CFH: variants seen among roughly 807,000 people sequenced by gnomAD.
The protein encoded by CFH is H factor 1 (complement).
CFH carries 53 observed loss-of-function variants against 147.3 expected under a neutral mutation model. The observed-to-expected ratio is 0.36, with a 90% CI of 0.29 to 0.45. The LOEUF (loss-of-function observed/expected upper bound fraction) is 0.45, where lower values mean the gene tolerates loss of function less well. Among genes scored for constraint, CFH ranks in the 20% least tolerant of loss-of-function variants. CFH has a pLI of 1.00. For synonymous variants in CFH, 536 were observed against 489.4 expected, an observed-to-expected ratio of 1.10 and a Z score of -1.26; for missense variants, 1,380 against 1,498.0, an observed-to-expected ratio of 0.92 and a Z score of 1.30.
At chr1:196,664,660 A>G (rs1159849639) in intron 1 of CFH, among the ~76,000 whole-genome samples, 3 of 152,204 alleles carry the variant, frequency 2.0e-5, no homozygotes, top group African/African-American at 7.2e-5. Flanking sequence ...AACAGAAAAT[A>G]TATACTGACT....
chr1:196,718,591 G>A (rs1668926501), intron 11 of CFH, among the ~76,000 whole-genome samples: 2 of 152,036 alleles, frequency 1.3e-5, no homozygotes, highest in Admixed American at 1.3e-4. Context: ...CTTAATTTAA[G>A]AGACTCATAA....
At chr1:196,710,644 T>G (rs1448023270) in intron 9 of CFH, among the ~76,000 whole-genome samples, 1 of 152,186 alleles carries the variant, frequency 6.6e-6, no homozygotes, top group Admixed American at 6.6e-5. Flanking sequence ...CAAAACATTG[T>G]GCTTGGTTAT....
chr1:196,729,976 C>G (rs1488793371), intron 15 of CFH, among the ~76,000 whole-genome samples: 1 of 151,726 alleles, frequency 6.6e-6, no homozygotes, highest in Non-Finnish European at 1.5e-5. Context: ...AGCCGTATCT[C>G]TCTTTTTTAG....
chr1:196,696,036 T>G (rs1338412031), intron 9 of CFH, among the ~76,000 whole-genome samples: 6 of 152,078 alleles, frequency 3.9e-5, no homozygotes, highest in Non-Finnish European at 8.8e-5. Flanking sequence ...CTCCCAATAC[T>G]ATGTCCATCC....
intron 9 of CFH, among the ~76,000 whole-genome samples, chr1:196,699,088 G>A (rs552994425): frequency 1.3e-5 from 2 of 152,206 alleles, no homozygotes; most frequent in South Asian, 4.1e-4. Context: ...AAAACCCATA[G>A]CAAATATCAT....
At chr1:196,669,454 C>T (rs1240722082) in intron 1 of CFH, among the ~76,000 whole-genome samples, 2 of 152,164 alleles carry the variant, frequency 1.3e-5, no homozygotes, top group African/African-American at 4.8e-5. Context: ...GTTTTGCAGG[C>T]CTGGGCCCCA....
intron 1 of CFH, among the ~76,000 whole-genome samples, chr1:196,661,756 A>T (rs1386062723): frequency 6.6e-6 from 1 of 152,200 alleles, no homozygotes; most frequent in Non-Finnish European, 1.5e-5. Flanking sequence ...ACTAAAGTCT[A>T]ATAATAATTT....
intron 9 of CFH, among the ~76,000 whole-genome samples, chr1:196,693,010 T>C (rs1166027442): frequency 6.6e-6 from 1 of 151,456 alleles, no homozygotes; most frequent in African/African-American, 2.4e-5. Flanking sequence ...TGCTAGACCC[T>C]GTACTTTAGT....
rs1669103115 is a variant in CFH, at chr1:196,725,042, CTT to C, written c.1697-77_1697-76del. On this transcript the variant is annotated intron_variant, in intron 11 of 21. Transcript: ENST00000367429. The stretch of plus-strand genomic sequence containing the variant: ...TCTGTATGACCCAATATCAACCTCA[CTT>C]TATTGTGGCATATGTAAAATTAACT... 6.3e-6 allele frequency: 8 copies of C among 1,260,554 alleles called. No homozygotes were observed. In the South Asian group the frequency reaches 1.0e-4, roughly 16 times the overall value. The allele number at this position is 1,260,554 out of a possible 1,614,324, so 78.1% of individuals were successfully genotyped here.
intron 1 of CFH, among the ~76,000 whole-genome samples, chr1:196,653,558 T>C (rs774307008): frequency 5.3e-5 from 8 of 151,994 alleles, no homozygotes; most frequent in Admixed American, 2.0e-4. Context: ...ATAAGGGAGA[T>C]TTGTTTTATT....
intron 15 of CFH, among the ~76,000 whole-genome samples, chr1:196,735,456 T>C (rs898360472): frequency 1.3e-5 from 2 of 152,272 alleles, no homozygotes; most frequent in South Asian, 2.1e-4. Flanking sequence ...TTATTTGCCA[T>C]GTCACAAAAT....
chr1:196,710,122 C>T (rs995769960), intron 9 of CFH, among the ~76,000 whole-genome samples: 1 of 152,044 alleles, frequency 6.6e-6, no homozygotes, highest in African/African-American at 2.4e-5. Context: ...AATGCAGGTT[C>T]CACATCCTGG....
intron 9 of CFH, among the ~76,000 whole-genome samples, chr1:196,705,912 T>A (rs1208477068): frequency 6.6e-6 from 1 of 152,186 alleles, no homozygotes; most frequent in East Asian, 1.9e-4. Context: ...CTGCTTTAAA[T>A]CCTGCTAAAT....
At chr1:196,685,353 C>A in intron 7 of CFH, 116 bp downstream of exon 7, 1 of 1,069,410 alleles carries the variant, frequency 9.4e-7, no homozygotes, top group Non-Finnish European at 1.4e-6. Flanking sequence ...CAAAGTAAGG[C>A]TGTTGGAAGC....
chr1:196,715,788 G>A lies in CFH; in HGVS notation c.1696+19G>A. The A allele has an allele frequency of 6.4e-7, 1 of 1,571,240 alleles. No homozygotes were observed. Among genetic ancestry groups the A allele is most frequent in the Non-Finnish European group, 8.7e-7 (1 of 1,155,510 alleles). ...TGTTATGGTAAGTACTGGTTTTTCA[G>A]AAATTCATTTTCAAAATGAAAATAA... On this transcript the variant is annotated intron_variant, in intron 11 of 21. Coordinates refer to ENST00000367429, the MANE Select transcript of CFH (RefSeq NM_000186.4).
Position 196,685,206 on chromosome 1 carries a change from T to C in CFH, c.933T>C (p.Ser311=), listed in dbSNP as rs1667785920. 7 of 1,612,980 alleles carry C rather than the reference T, an allele frequency of 4.3e-6. No individual in the cohort carries two copies. The highest frequency in any genetic ancestry group is 5.9e-6 in the Non-Finnish European group (7 of 1,179,280). The change falls in exon 7 of 22, where the codon AGT becomes AGC. Residue 311 remains serine, a synonymous_variant. Coordinates refer to ENST00000367429, the MANE Select transcript of CFH (RefSeq NM_000186.4). The part of the protein sequence containing the change: ...ATRGNTAKCT[S]TGWIPAPRCT... ...GGGGAAATACAGCAAAATGCACAAG[T>C]ACTGGCTGGATACCTGCTCCGAGAT... is the stretch of plus-strand genomic sequence containing the variant.
At chr1:196,735,821 C>T (rs977500119) in intron 15 of CFH, among the ~76,000 whole-genome samples, 3 of 151,890 alleles carry the variant, frequency 2.0e-5, no homozygotes, top group Non-Finnish European at 2.9e-5. Context: ...TTATCATAAG[C>T]GAAAAAAGAA....
At chr1:196,743,232 G>A (rs531192546) in intron 19 of CFH, among the ~76,000 whole-genome samples, 10 of 152,276 alleles carry the variant, frequency 6.6e-5, no homozygotes, top group African/African-American at 2.4e-4. Context: ...TCTAGCGAAG[G>A]ATGAAGAAGA....
rs551698215 is a variant in CFH, at chr1:196,684,252, C to T, written c.791-812C>T. On this transcript the variant is annotated intron_variant, in intron 6 of 21. Transcript: ENST00000367429. ...GTTCATTTGTTTATGTATTGTTTTT[C>T]ATTACTTTTGTACTATAATGGCAGA... Among the ~76,000 whole-genome samples, 4 of 152,014 alleles carry T rather than the reference C, an allele frequency of 2.6e-5. No homozygotes were observed. In the South Asian group the frequency reaches 8.3e-4, roughly 32 times the overall value.
Sources: allele counts gnomAD v4.1 joint callset (sites outside exome capture counted in the v4.1 genomes callset), GRCh38; gene constraint gnomAD v4.1.1; transcripts MANE v1.5; gene names NCBI Gene and HGNC (gene_info 2026-07-23, HGNC 2026-07-21).